The following SH3GL2 variants were observed in gnomAD, a reference collection of about 807,000 sequenced individuals.
SH3GL2 encodes the protein SH3 domain containing GRB2 like 2, endophilin A1, also known as endophilin-A1.
SH3GL2 carries 24 observed loss-of-function variants against 46.0 expected under a neutral mutation model. That is an observed-to-expected ratio of 0.52 (90% CI 0.38 to 0.73). The LOEUF (loss-of-function observed/expected upper bound fraction) is 0.73. Ranked by LOEUF, SH3GL2 falls within the 30% of genes least tolerant of loss-of-function variation. The pLI is 0.00. For missense variants in SH3GL2, 413 were observed against 424.2 expected (o/e 0.97, Z 0.23); for synonymous variants, 196 against 147.1 (o/e 1.33, Z -2.40).
intron 1 of SH3GL2, among the ~76,000 whole-genome samples, chr9:17,701,182 A>G (rs1821335917): frequency 6.6e-6 from 1 of 152,236 alleles, no homozygotes; most frequent in Admixed American, 6.5e-5. Flanking sequence ...CATTGTATAC[A>G]CAGAAGAAAT....
At chr9:17,602,254 A>G (rs1818684920) in intron 1 of SH3GL2, among the ~76,000 whole-genome samples, 1 of 152,148 alleles carries the variant, frequency 6.6e-6, no homozygotes, top group South Asian at 2.1e-4. Context: ...TTTTGGGATC[A>G]CAGCTTGAAA....
Position 17,663,506 on chromosome 9 carries a change from G to T in SH3GL2, c.46-83560G>T, listed in dbSNP as rs187434669. 1.5e-3 allele frequency among the ~76,000 whole-genome samples: 223 copies of T among 152,266 alleles called. 3 individuals are homozygous for T. The highest frequency in any genetic ancestry group is 5.2e-3 in the African/African-American group (217 of 41,564). The stretch of plus-strand genomic sequence containing the variant: ...GATGTATCTGGGTTTTAGTAATTTT[G>T]TGAATCAAAGAACTGGGAATTTATT... On this transcript the variant is annotated intron_variant, in intron 1 of 8. Transcript: ENST00000380607.
intron 1 of SH3GL2, among the ~76,000 whole-genome samples, chr9:17,685,659 T>A (rs1467443688): frequency 6.6e-6 from 1 of 152,116 alleles, no homozygotes; most frequent in Non-Finnish European, 1.5e-5. Context: ...TTCAGCTTTC[T>A]ACATATGGCT....
At chr9:17,709,648 G>A (rs1276174657) in intron 1 of SH3GL2, among the ~76,000 whole-genome samples, 2 of 148,474 alleles carry the variant, frequency 1.3e-5, no homozygotes, top group African/African-American at 2.5e-5. Flanking sequence ...TATTATATAT[G>A]TGTGTGTATA....
At chr9:17,635,098 G>A (rs557667859) in intron 1 of SH3GL2, among the ~76,000 whole-genome samples, 2 of 152,242 alleles carry the variant, frequency 1.3e-5, no homozygotes, top group South Asian at 4.2e-4. Flanking sequence ...ATTAAGCCTA[G>A]TACCCATTAG....
chr9:17,612,027 G>A lies in SH3GL2; in HGVS notation c.45+32740G>A, dbSNP rs138395985. ...AGCTAATAATATTGGGACTAGTTGT[G>A]CATATGGGGAAATTCTCAGAGAGAG... On this transcript the variant is annotated intron_variant, in intron 1 of 8. Transcript: ENST00000380607. 4.5e-3 allele frequency among the ~76,000 whole-genome samples: 681 copies of A among 152,294 alleles called. 9 individuals carry two copies. Among genetic ancestry groups the A allele is most frequent in the African/African-American group, 0.015 (641 of 41,552 alleles).
intron 1 of SH3GL2, among the ~76,000 whole-genome samples, chr9:17,647,413 C>CTCTG (rs1330082574): frequency 7.7e-5 from 11 of 143,716 alleles, no homozygotes; most frequent in Non-Finnish European, 1.6e-4. Flanking sequence ...TTGTTAGTTT[C>CTCTG]TCTCTCTCTC....
chr9:17,622,809 C>T (rs1020123834), intron 1 of SH3GL2, among the ~76,000 whole-genome samples: 6 of 152,014 alleles, frequency 3.9e-5, no homozygotes, highest in Non-Finnish European at 7.4e-5. Flanking sequence ...TTGGTCACTC[C>T]GTTGGCAGGG....
chr9:17,740,952 T>C lies in SH3GL2; in HGVS notation c.46-6114T>C, dbSNP rs75357692. Among the ~76,000 whole-genome samples the C allele has an allele frequency of 8.4e-3, 1,278 of 152,208 alleles. 28 individuals are homozygous for C. The highest frequency in any genetic ancestry group is 0.029 in the African/African-American group (1,225 of 41,558). On this transcript the variant is annotated intron_variant, in intron 1 of 8. Transcript: ENST00000380607. ...TTTCACGCAACTATTAGGTGACATT[T>C]CCAAGACTGGAATTCATGTGTCTTG... is the stretch of plus-strand genomic sequence containing the variant.
At chr9:17,705,653 C>G (rs529099052) in intron 1 of SH3GL2, among the ~76,000 whole-genome samples, 2 of 152,128 alleles carry the variant, frequency 1.3e-5, no homozygotes, top group South Asian at 4.1e-4. Flanking sequence ...TCCTTTGCAG[C>G]AACATGCATG....
At chr9:17,689,027 C>T (rs959595634) in intron 1 of SH3GL2, among the ~76,000 whole-genome samples, 46 of 152,032 alleles carry the variant, frequency 3.0e-4, no homozygotes, top group African/African-American at 1.1e-3. Context: ...ACACACACTA[C>T]CCCAGCCAGG....
In SH3GL2 at chr9:17,795,627, G is replaced by A. The variant is rs762492029; in HGVS notation, c.943G>A (p.Asp315Asn). Reference sequence around the variant, plus strand: ...AGGGGAGTTGGGATTTAAAGAGGGCGATATCATCACACTCACTAACCAAAT... The same window carrying A: ...AGGGGAGTTGGGATTTAAAGAGGGCAATATCATCACACTCACTAACCAAAT... The part of the protein sequence containing the change: ...NEGELGFKEG[D>N]IITLTNQIDE... Residue 315 changes from aspartate to asparagine, a missense_variant, in exon 9 of 9, where the codon GAT becomes AAT. Physicochemically the swap from Asp to Asn is conservative, Grantham distance 23 (BLOSUM62 1). Around this residue, in one of 3 missense-constraint regions of SH3GL2, gnomAD observed 248 missense variants for 215.0 expected, o/e 1.15. Transcript: ENST00000380607. 2.6e-5 allele frequency: 42 copies of A among 1,613,790 alleles called. No homozygotes were observed. The highest frequency in any genetic ancestry group is 6.7e-5 in the East Asian group (3 of 44,870).
chr9:17,740,589 T>C (rs1382772097), intron 1 of SH3GL2, among the ~76,000 whole-genome samples: 1 of 152,156 alleles, frequency 6.6e-6, no homozygotes, highest in African/African-American at 2.4e-5. Flanking sequence ...GATGCCTTTC[T>C]ATAAATATTG....
At chr9:17,735,400 A>G (rs7861350) in intron 1 of SH3GL2, among the ~76,000 whole-genome samples, 54,275 of 152,070 alleles carry the variant, frequency 0.36, 12,529 homozygotes, top group African/African-American at 0.66. Flanking sequence ...AATGCTCCCT[A>G]TATATTTGTG....
intron 2 of SH3GL2, chr9:17,755,863 C>G: frequency 2.8e-6 from 2 of 705,226 alleles, no homozygotes; most frequent in Non-Finnish European, 3.5e-6. Flanking sequence ...GGAAGAGTAA[C>G]CCCATTCTAG....
Position 17,609,002 on chromosome 9 carries a change from A to G in SH3GL2, c.45+29715A>G, listed in dbSNP as rs565778777. On this transcript the variant is annotated intron_variant, in intron 1 of 8. Transcript: ENST00000380607. ...TTACAGGTGATCCGCTCTTTCACTGATCCCAGCATCTGCTGCTTCTGTGTC... is the reference window on the plus strand; with the variant it reads ...TTACAGGTGATCCGCTCTTTCACTGGTCCCAGCATCTGCTGCTTCTGTGTC... Among the ~76,000 whole-genome samples the G allele has an allele frequency of 3.3e-5, 5 of 152,296 alleles. 1 individual carries two copies. Among genetic ancestry groups the G allele is most frequent in the African/African-American group, 1.2e-4 (5 of 41,544 alleles).
rs527946454 is a variant in SH3GL2, at chr9:17,653,850, A to G, written c.45+74563A>G. On this transcript the variant is annotated intron_variant, in intron 1 of 8. Coordinates refer to ENST00000380607, the MANE Select transcript of SH3GL2 (RefSeq NM_003026.5). Reference sequence around the variant, plus strand: ...ACAGATACTGCCTTGGTGAACATTCATGGAGACATTAACAAGGGGCTGATG... The same window carrying G: ...ACAGATACTGCCTTGGTGAACATTCGTGGAGACATTAACAAGGGGCTGATG... 165 of 980,568 alleles carry G rather than the reference A, an allele frequency of 1.7e-4. No individual in the cohort carries two copies. The African/African-American group carries it at 2.7e-3, about 16-fold the overall frequency. 60.7% of individuals were successfully genotyped at this position (980,568 alleles called of 1,614,324 possible). A position where few individuals can be genotyped will look rare whatever the true frequency, so the allele number is the denominator to read the frequency against.
intron 1 of SH3GL2, among the ~76,000 whole-genome samples, chr9:17,683,140 A>G (rs1172388894): frequency 6.6e-6 from 1 of 152,108 alleles, no homozygotes; most frequent in Non-Finnish European, 1.5e-5. Context: ...GATGTCACAT[A>G]AGCTAGTAAG....
intron 1 of SH3GL2, among the ~76,000 whole-genome samples, chr9:17,647,662 G>A (rs80020430): frequency 0.052 from 7,866 of 152,050 alleles, 326 homozygotes; most frequent in African/African-American, 0.1. Flanking sequence ...ACTTCTTAAT[G>A]GTAGTAATTA....
Sources: gnomAD v4.1 joint callset for allele counts (sites outside exome capture counted in the v4.1 genomes callset) on GRCh38, gnomAD v4.1.1 for gene constraint, gnomAD v4.1.1 regional missense constraint, MANE v1.5 for transcripts, NCBI Gene and HGNC (gene_info 2026-07-23, HGNC 2026-07-21) for gene names.